SUGCT: variants seen among roughly 807,000 people sequenced by gnomAD.
The protein encoded by SUGCT is succinyl-CoA:glutarate-CoA transferase, also known as succinyl-CoA:glutarate CoA-transferase.
A neutral mutation model predicts 55.0 loss-of-function variants in SUGCT; 41 were observed. The ratio of observed to expected loss-of-function variants is 0.74; its 90% CI spans 0.58 to 0.97. The LOEUF (loss-of-function observed/expected upper bound fraction) is 0.97, where lower values mean the gene tolerates loss of function less well. Ranked by LOEUF, SUGCT falls within the 50% of genes least tolerant of loss-of-function variation. The pLI is 0.00. For synonymous variants in SUGCT, 187 were observed against 200.4 expected, an observed-to-expected ratio of 0.93 and a Z score of 0.56; for missense variants, 568 against 547.8, an observed-to-expected ratio of 1.04 and a Z score of -0.37.
intron 12 of SUGCT, among the ~76,000 whole-genome samples, chr7:40,556,153 G>A (rs1724430309): frequency 6.6e-6 from 1 of 152,118 alleles, no homozygotes; most frequent in South Asian, 2.1e-4. Flanking sequence ...TTTGACCTCT[G>A]TTAAGTCTAT....
At chr7:40,217,596 TC>T (rs1429060280) in intron 6 of SUGCT, 1 of 285,606 alleles carries the variant, frequency 3.5e-6, no homozygotes, top group Non-Finnish European at 7.1e-6. Context: ...TGTGCCTTTC[TC>T]CCCATCCTCC....
intron 12 of SUGCT, among the ~76,000 whole-genome samples, chr7:40,497,446 T>A (rs1387293844): frequency 2.0e-5 from 3 of 152,198 alleles, no homozygotes; most frequent in Non-Finnish European, 4.4e-5. Flanking sequence ...TCGGCCAAGA[T>A]TGTGAATATC....
At chr7:40,742,999 T>A (rs1450583050) in intron 12 of SUGCT, among the ~76,000 whole-genome samples, 4 of 152,236 alleles carry the variant, frequency 2.6e-5, no homozygotes, top group African/African-American at 9.6e-5. Context: ...AGAAGAACTC[T>A]GTAATTGTTT....
intron 9 of SUGCT, among the ~76,000 whole-genome samples, chr7:40,425,597 G>A (rs1462367890): frequency 6.6e-6 from 1 of 152,108 alleles, no homozygotes; most frequent in East Asian, 1.9e-4. Flanking sequence ...GAGAGGCGGT[G>A]CTGGGGTCTA....
chr7:40,754,983 G>A (rs1406145035), intron 13 of SUGCT, among the ~76,000 whole-genome samples: 3 of 152,136 alleles, frequency 2.0e-5, no homozygotes, highest in African/African-American at 7.2e-5. Flanking sequence ...GTAAAAAAAT[G>A]CAATCAGATA....
intron 11 of SUGCT, 84 bp downstream of exon 11, chr7:40,459,282 C>A: frequency 2.3e-6 from 2 of 879,846 alleles, no homozygotes; most frequent in Non-Finnish European, 3.4e-6. Context: ...TTTTTCTTGG[C>A]TTATTTGAGA....
At chr7:40,551,922 G>A (rs1795318839) in intron 12 of SUGCT, among the ~76,000 whole-genome samples, 1 of 152,212 alleles carries the variant, frequency 6.6e-6, no homozygotes, top group South Asian at 2.1e-4. Flanking sequence ...AGCTGTGAGA[G>A]GCTCCCTTCA....
chr7:40,835,606 T>C (rs965006199), intron 13 of SUGCT, among the ~76,000 whole-genome samples: 8 of 152,210 alleles, frequency 5.3e-5, no homozygotes, highest in African/African-American at 1.9e-4. Flanking sequence ...GCAGGCAATC[T>C]CCCAAGGCTT....
chr7:40,744,128 A>G (rs1379432651), intron 12 of SUGCT, among the ~76,000 whole-genome samples: 2 of 149,746 alleles, frequency 1.3e-5, no homozygotes, highest in Non-Finnish European at 3.0e-5. Context: ...GGGTTTCGCC[A>G]TGTCGGCCAG....
At chr7:40,707,462 T>C (rs1032538230) in intron 12 of SUGCT, among the ~76,000 whole-genome samples, 1 of 152,200 alleles carries the variant, frequency 6.6e-6, no homozygotes, top group Non-Finnish European at 1.5e-5. Context: ...AAAGTGTGTG[T>C]TTCCCTGAAG....
chr7:40,164,126 T>A (rs903643781), intron 1 of SUGCT, among the ~76,000 whole-genome samples: 33 of 144,516 alleles, frequency 2.3e-4, no homozygotes, highest in African/African-American at 7.3e-4. Context: ...GACCCTTGAC[T>A]TTTTTTTTTT....
intron 9 of SUGCT, among the ~76,000 whole-genome samples, chr7:40,394,060 A>G (rs1052089096): frequency 6.6e-6 from 1 of 152,210 alleles, no homozygotes; most frequent in Non-Finnish European, 1.5e-5. Flanking sequence ...CCTGAACTTT[A>G]TTCTTTGACT....
intron 13 of SUGCT, among the ~76,000 whole-genome samples, chr7:40,812,151 T>A (rs988900881): frequency 6.6e-6 from 1 of 152,142 alleles, no homozygotes; most frequent in Non-Finnish European, 1.5e-5. Context: ...TCCTGTTGGA[T>A]CTGGTTTGCT....
intron 8 of SUGCT, among the ~76,000 whole-genome samples, chr7:40,296,611 TCGTGTGTGTGTGTGTGTGTG>T (rs771496293): frequency 9.7e-6 from 1 of 103,238 alleles, no homozygotes; most frequent in Non-Finnish European, 2.0e-5. Flanking sequence ...AGTGAGTGAC[TCGTGTGTGTGTGTGTGTGTG>T]TGTGTGTGTG....
intron 9 of SUGCT, among the ~76,000 whole-genome samples, chr7:40,424,071 A>AT (rs1462964826): frequency 7.2e-5 from 11 of 152,078 alleles, no homozygotes. Context: ...CCTGTAAATT[A>AT]TTTTTTGGCA....
chr7:40,560,455 T>C (rs1053362802), intron 12 of SUGCT, among the ~76,000 whole-genome samples: 1 of 152,176 alleles, frequency 6.6e-6, no homozygotes, highest in Non-Finnish European at 1.5e-5. Context: ...ACTTGCTTTT[T>C]CCACACAAGA....
At chr7:40,438,781 G>A (rs956440953) in intron 9 of SUGCT, among the ~76,000 whole-genome samples, 3 of 151,454 alleles carry the variant, frequency 2.0e-5, no homozygotes, top group African/African-American at 4.9e-5. Flanking sequence ...GTGTGTGCAC[G>A]GCATGTTATC....
chr7:40,849,441 G>A (rs6963162), intron 13 of SUGCT, among the ~76,000 whole-genome samples: 33,102 of 152,072 alleles, frequency 0.22, 4,760 homozygotes, highest in East Asian at 0.8. Context: ...TGGAAGGTGC[G>A]TGGAGCTCTG....
At chr7:41,022,918 AT>A in the SUGCT span, among the ~76,000 whole-genome samples, 1 of 152,226 alleles carries the variant, frequency 6.6e-6, no homozygotes, top group Non-Finnish European at 1.5e-5. Context: ...CTCAGATTGA[AT>A]ATTATTTTAA....
Sources: gnomAD v4.1 joint callset for allele counts (sites outside exome capture counted in the v4.1 genomes callset) on GRCh38, gnomAD v4.1.1 for gene constraint, MANE v1.5 for transcripts, NCBI Gene and HGNC (gene_info 2026-07-23, HGNC 2026-07-21) for gene names.